MARCHF6: variants seen among roughly 807,000 people sequenced by gnomAD.
MARCHF6 encodes the protein membrane associated ring-CH-type finger 6.
Under a neutral mutation model 133.7 loss-of-function variants are expected in MARCHF6, and 31 were observed. The ratio of observed to expected loss-of-function variants is 0.23; its 90% CI spans 0.17 to 0.31. The LOEUF (loss-of-function observed/expected upper bound fraction) is 0.31, where lower values mean the gene tolerates loss of function less well. Among genes scored for constraint, MARCHF6 ranks in the 10% least tolerant of loss-of-function variants. The probability of loss-of-function intolerance (pLI) is 1.00; values close to 1 mark genes in which losing one functional copy is unlikely to be tolerated. For missense variants in MARCHF6, 723 were observed against 1,121.6 expected (o/e 0.64, Z 5.08); for synonymous variants, 395 against 402.5 (o/e 0.98, Z 0.22).
intron 1 of MARCHF6, among the ~76,000 whole-genome samples, chr5:10,362,525 G>A (rs1422332197): frequency 1.3e-5 from 2 of 152,068 alleles, no homozygotes; most frequent in African/African-American, 4.8e-5. Flanking sequence ...TAGAAATGAA[G>A]AATGAATACA....
At chr5:10,421,706 C>A (rs1022603163) in intron 22 of MARCHF6, among the ~76,000 whole-genome samples, 2 of 152,148 alleles carry the variant, frequency 1.3e-5, no homozygotes, top group Non-Finnish European at 2.9e-5. Context: ...TGCTGGACTC[C>A]CAGAAGGCCA....
chr5:10,437,432 C>T lies in MARCHF6; in HGVS notation c.*3748C>T, dbSNP rs555413723. The T allele has an allele frequency of 6.6e-6, 1 of 152,286 alleles. No individual in the cohort carries two copies. Among genetic ancestry groups the T allele is most frequent in the South Asian group, 2.1e-4 (1 of 4,824 alleles). 9.4% of individuals were successfully genotyped at this position (152,286 alleles called of 1,614,324 possible). The stretch of plus-strand genomic sequence containing the variant: ...TATTTACTTAATTTGTCCCCTCAAC[C>T]AGGTGTTTTCTTTTCAGCCTGTTAC... On this transcript the variant is annotated 3_prime_UTR_variant, in exon 26 of 26. Coordinates refer to ENST00000274140, the MANE Select transcript of MARCHF6 (RefSeq NM_005885.4).
intron 1 of MARCHF6, among the ~76,000 whole-genome samples, chr5:10,372,709 T>A (rs1736543366): frequency 6.6e-6 from 1 of 152,210 alleles, no homozygotes; most frequent in African/African-American, 2.4e-5. Context: ...TAAATACTGT[T>A]TTTCGTGAAA....
chr5:10,359,074 T>A (rs1431902469), intron 1 of MARCHF6, among the ~76,000 whole-genome samples: 1 of 152,214 alleles, frequency 6.6e-6, no homozygotes. Context: ...TCCAGTAAAT[T>A]GTATATGGTA....
Position 10,438,095 on chromosome 5 carries a change from C to A in MARCHF6, c.*4411C>A, listed in dbSNP as rs1315853456. ...CGTCCTCACTGGGAAGAGTAAGGCC[C>A]CACATTTTGTGCAATAGCAAGCTAC... On this transcript the variant is annotated 3_prime_UTR_variant, in exon 26 of 26. Transcript: ENST00000274140. 2.0e-5 allele frequency: 3 copies of A among 152,196 alleles called. No homozygotes were observed. The highest frequency in any genetic ancestry group is 2.0e-4 in the Admixed American group (3 of 15,250). The allele number at this position is 152,196 out of a possible 1,614,324, so 9.4% of individuals were successfully genotyped here.
At chr5:10,374,779 A>G (rs111520021) in intron 1 of MARCHF6, among the ~76,000 whole-genome samples, 190 of 152,364 alleles carry the variant, frequency 1.2e-3, no homozygotes, top group African/African-American at 4.4e-3. Context: ...AGCAGCTTCC[A>G]GGAAACCAGA....
intron 4 of MARCHF6, 66 bp downstream of exon 4, chr5:10,382,009 A>G: frequency 1.5e-6 from 2 of 1,372,088 alleles, no homozygotes; most frequent in Non-Finnish European, 2.0e-6. Flanking sequence ...TTATAAAGCA[A>G]TATTGCATCA....
At chr5:10,403,114 C>T (rs997944707) in intron 14 of MARCHF6, among the ~76,000 whole-genome samples, 7 of 152,144 alleles carry the variant, frequency 4.6e-5, no homozygotes, top group Admixed American at 1.3e-4. Flanking sequence ...TTTAAAACTT[C>T]TCAAGAATGC....
intron 22 of MARCHF6, among the ~76,000 whole-genome samples, chr5:10,422,890 TA>T (rs1320407869): frequency 6.6e-6 from 1 of 152,086 alleles, no homozygotes; most frequent in East Asian, 1.9e-4. Flanking sequence ...TAATAGTGGT[TA>T]TTGCTGGGGA....
chr5:10,385,095 C>T (rs1042291895), intron 4 of MARCHF6, among the ~76,000 whole-genome samples: 1 of 152,140 alleles, frequency 6.6e-6, no homozygotes, highest in African/African-American at 2.4e-5. Flanking sequence ...GGCACAAAAT[C>T]GTATGATTGC....
At chr5:10,417,435 C>G (rs1250238582) in intron 22 of MARCHF6, 31 bp downstream of exon 22, 8 of 1,611,524 alleles carry the variant, frequency 5.0e-6, no homozygotes, top group African/African-American at 2.7e-5. Flanking sequence ...CATGTTATTT[C>G]ATTAAGGATT....
At chr5:10,407,482 C>T (rs532624619) in intron 17 of MARCHF6, among the ~76,000 whole-genome samples, 31 of 152,094 alleles carry the variant, frequency 2.0e-4, no homozygotes, top group South Asian at 6.2e-4. Flanking sequence ...ATTTTTTCTG[C>T]GCATAAAGTA....
At chr5:10,390,604 C>A (rs111375982) in intron 6 of MARCHF6, 104 bp downstream of exon 6, 2 of 1,119,582 alleles carry the variant, frequency 1.8e-6, no homozygotes, top group Non-Finnish European at 1.2e-6. Context: ...CATAAACATT[C>A]TTTTGTTATT....
At chr5:10,407,004 C>T in intron 16 of MARCHF6, 98 bp from the exon 17 acceptor site, 1 of 626,734 alleles carries the variant, frequency 1.6e-6, no homozygotes, top group South Asian at 2.3e-5. Context: ...AGACACAGGC[C>T]TGGACTGCAT....
intron 23 of MARCHF6, among the ~76,000 whole-genome samples, chr5:10,424,469 TTC>T (rs1248149980): frequency 6.6e-6 from 1 of 152,258 alleles, no homozygotes; most frequent in African/African-American, 2.4e-5. Flanking sequence ...CCTGCATCTA[TTC>T]TTTCTCAGTT....
intron 7 of MARCHF6, among the ~76,000 whole-genome samples, chr5:10,392,020 G>A (rs1170762091): frequency 6.7e-6 from 1 of 150,114 alleles, no homozygotes; most frequent in Non-Finnish European, 1.5e-5. Context: ...GTGCAGTGGC[G>A]CTATCTCGGC....
At chr5:10,379,940 G>A (rs1341213210) in intron 3 of MARCHF6, among the ~76,000 whole-genome samples, 7 of 151,952 alleles carry the variant, frequency 4.6e-5, no homozygotes, top group Admixed American at 4.6e-4. Context: ...TTTTCATGAG[G>A]CTAACTTTTA....
At chr5:10,407,961 C>CCG (rs1554024164) in intron 17 of MARCHF6, among the ~76,000 whole-genome samples, 1 of 142,228 alleles carries the variant, frequency 7.0e-6, no homozygotes, top group African/African-American at 2.6e-5. Flanking sequence ...CATCCCCCCC[C>CCG]CCCCAAAAAA....
chr5:10,354,034 C>T (rs1157159508), intron 1 of MARCHF6, 117 bp downstream of exon 1: 3 of 1,048,932 alleles, frequency 2.9e-6, no homozygotes, highest in Non-Finnish European at 2.6e-6. Context: ...ACGCCTGGGC[C>T]GTTTGTCCAC....
Sources: gnomAD v4.1 joint callset for allele counts (sites outside exome capture counted in the v4.1 genomes callset) on GRCh38, gnomAD v4.1.1 for gene constraint, MANE v1.5 for transcripts, NCBI Gene and HGNC (gene_info 2026-07-23, HGNC 2026-07-21) for gene names.